The following SLC35F3 variants were observed in gnomAD, a reference collection of about 807,000 sequenced individuals.
SLC35F3 encodes the protein putative thiamine transporter SLC35F3.
SLC35F3 carries 25 observed loss-of-function variants against 49.9 expected under a neutral mutation model. That is an observed-to-expected ratio of 0.50 (90% confidence interval 0.37 to 0.70). The LOEUF (loss-of-function observed/expected upper bound fraction) is 0.70, where lower values mean the gene tolerates loss of function less well. Ranked by LOEUF, SLC35F3 falls within the 30% of genes least tolerant of loss-of-function variation. The pLI, the probability that SLC35F3 is intolerant of heterozygous loss-of-function variation, is 0.00. For synonymous variants in SLC35F3, 275 were observed against 265.4 expected (o/e 1.04, Z -0.35); for missense variants, 525 against 639.8 (o/e 0.82, Z 1.94).
chr1:234,268,218 C>G (rs1306163427), intron 3 of SLC35F3, among the ~76,000 whole-genome samples: 6 of 152,132 alleles, frequency 3.9e-5, no homozygotes, highest in Non-Finnish European at 7.4e-5. Context: ...CTCGGGAGGC[C>G]GAGGCTGGCG....
intron 2 of SLC35F3, among the ~76,000 whole-genome samples, chr1:234,002,377 C>G (rs967985026): frequency 2.0e-5 from 3 of 152,080 alleles, no homozygotes; most frequent in African/African-American, 4.8e-5. Context: ...CATCATGTCC[C>G]CTTAGATTCC....
chr1:233,989,152 A>T (rs1223909498), intron 2 of SLC35F3, among the ~76,000 whole-genome samples: 1 of 152,240 alleles, frequency 6.6e-6, no homozygotes, highest in Non-Finnish European at 1.5e-5. Context: ...ACTCCCTGAC[A>T]TAGCAAGCTG....
chr1:234,318,724 C>G (rs373636643), intron 5 of SLC35F3, 27 bp from the exon 6 acceptor site: 1 of 1,605,070 alleles, frequency 6.2e-7, no homozygotes, highest in South Asian at 1.1e-5. Flanking sequence ...GAGCCTTCAC[C>G]CCGTCCTCCT....
chr1:234,065,500 A>G (rs1664604662), intron 2 of SLC35F3, among the ~76,000 whole-genome samples: 1 of 152,166 alleles, frequency 6.6e-6, no homozygotes, highest in East Asian at 1.9e-4. Context: ...TTTTGTTTTC[A>G]GGTCTAGGGA....
intron 2 of SLC35F3, among the ~76,000 whole-genome samples, chr1:234,083,491 A>T (rs1664913270): frequency 6.6e-6 from 1 of 152,190 alleles, no homozygotes; most frequent in Admixed American, 6.5e-5. Flanking sequence ...TATACATCAT[A>T]CACAATCTCT....
intron 2 of SLC35F3, among the ~76,000 whole-genome samples, chr1:234,211,305 C>T (rs997613766): frequency 1.3e-5 from 2 of 152,260 alleles, no homozygotes; most frequent in African/African-American, 4.8e-5. Flanking sequence ...CACACAGTCC[C>T]TACTGGGGCA....
intron 2 of SLC35F3, among the ~76,000 whole-genome samples, chr1:234,009,543 T>C (rs548744251): frequency 6.6e-6 from 1 of 152,312 alleles, no homozygotes; most frequent in South Asian, 2.1e-4. Flanking sequence ...ATTCCCCAGC[T>C]CTATCTCAGG....
intron 2 of SLC35F3, among the ~76,000 whole-genome samples, chr1:233,938,404 A>G (rs145570582): frequency 3.9e-5 from 6 of 152,278 alleles, no homozygotes; most frequent in East Asian, 1.9e-4. Flanking sequence ...GAAGAATCAT[A>G]TACCCTTGGC....
intron 2 of SLC35F3, among the ~76,000 whole-genome samples, chr1:233,914,331 G>T (rs146827845): frequency 1.3e-5 from 2 of 152,150 alleles, no homozygotes; most frequent in African/African-American, 4.8e-5. Flanking sequence ...AGAAGGCAGC[G>T]GCAGGTGTGT....
At chr1:234,028,845 G>T (rs1320604482) in intron 2 of SLC35F3, among the ~76,000 whole-genome samples, 1 of 152,124 alleles carries the variant, frequency 6.6e-6, no homozygotes, top group Non-Finnish European at 1.5e-5. Context: ...AGGTGGGCAG[G>T]CTAGAATCAG....
chr1:233,905,001 A>T lies in SLC35F3; in HGVS notation c.-77A>T. The T allele has an allele frequency of 6.8e-7, 1 of 1,474,902 alleles. No individual in the cohort carries two copies. Among genetic ancestry groups the T allele is most frequent in the Non-Finnish European group, 9.2e-7 (1 of 1,083,598 alleles). 91.4% of individuals were successfully genotyped at this position (1,474,902 alleles called of 1,614,324 possible). On this transcript the variant is annotated 5_prime_UTR_variant, in exon 1 of 8. Transcript: ENST00000366618. ...CAGCGCACTCCAGTCTTCCCAGGCTAGCGGCTGCAGGGAGCTCCGGCCCGC... is the reference window on the plus strand; with the variant it reads ...CAGCGCACTCCAGTCTTCCCAGGCTTGCGGCTGCAGGGAGCTCCGGCCCGC...
chr1:234,224,130 T>C (rs552221295), intron 2 of SLC35F3, among the ~76,000 whole-genome samples: 2 of 152,324 alleles, frequency 1.3e-5, no homozygotes, highest in South Asian at 2.1e-4. Flanking sequence ...ACTGGCGCAA[T>C]CACTGGTCAT....
intron 3 of SLC35F3, among the ~76,000 whole-genome samples, chr1:234,305,552 T>C (rs1468584787): frequency 1.3e-5 from 2 of 151,904 alleles, no homozygotes; most frequent in East Asian, 3.9e-4. Context: ...CTGGCTAATT[T>C]TTTTGTGTTT....
intron 2 of SLC35F3, among the ~76,000 whole-genome samples, chr1:234,083,847 T>A (rs982364017): frequency 4.6e-5 from 7 of 151,592 alleles, no homozygotes; most frequent in Admixed American, 3.3e-4. Flanking sequence ...GGCTTTTTTT[T>A]TTTTTTTGAG....
At chr1:234,186,507 C>T (rs1016625239) in intron 2 of SLC35F3, among the ~76,000 whole-genome samples, 1 of 151,664 alleles carries the variant, frequency 6.6e-6, no homozygotes, top group African/African-American at 2.4e-5. Flanking sequence ...TCTCTCCTCC[C>T]AGTCCTTCTG....
At chr1:234,265,605 C>T (rs916000170) in intron 3 of SLC35F3, among the ~76,000 whole-genome samples, 5 of 152,072 alleles carry the variant, frequency 3.3e-5, no homozygotes, top group South Asian at 2.1e-4. Context: ...CCCCCCAAGA[C>T]GAAGACATCA....
At chr1:234,311,531 G>A (rs1277298980) in intron 4 of SLC35F3, among the ~76,000 whole-genome samples, 4 of 152,232 alleles carry the variant, frequency 2.6e-5, no homozygotes, top group Admixed American at 1.3e-4. Flanking sequence ...GGCTGCTAAG[G>A]AGACTTTTGT....
At chr1:234,289,689 C>G (rs1483499626) in intron 3 of SLC35F3, among the ~76,000 whole-genome samples, 1 of 152,214 alleles carries the variant, frequency 6.6e-6, no homozygotes, top group Non-Finnish European at 1.5e-5. Context: ...AAGAAATTAA[C>G]AGAGAAGCCA....
chr1:234,261,413 C>T (rs917105997), intron 3 of SLC35F3, among the ~76,000 whole-genome samples: 1 of 152,154 alleles, frequency 6.6e-6, no homozygotes, highest in African/African-American at 2.4e-5. Context: ...TATAGTTATC[C>T]TATATCCATA....
Sources: allele counts gnomAD v4.1 joint callset (sites outside exome capture counted in the v4.1 genomes callset), GRCh38; gene constraint gnomAD v4.1.1; transcripts MANE v1.5; gene names NCBI Gene and HGNC (gene_info 2026-07-23, HGNC 2026-07-21).